AP2A2: variants seen among roughly 807,000 people sequenced by gnomAD.
AP2A2 encodes the protein adaptor related protein complex 2 subunit alpha 2, also known as AP-2 complex subunit alpha-2.
A neutral mutation model predicts 104.2 loss-of-function variants in AP2A2; 32 were observed. The observed-to-expected ratio is 0.31, with a 90% CI of 0.23 to 0.41. The LOEUF (loss-of-function observed/expected upper bound fraction) is 0.41, where lower values mean the gene tolerates loss of function less well. Ranked by LOEUF, AP2A2 falls within the 10% of genes least tolerant of loss-of-function variation. AP2A2 has a pLI of 1.00. For missense variants in AP2A2, 912 were observed against 1,261.0 expected, an observed-to-expected ratio of 0.72 and a Z score of 4.19; for synonymous variants, 539 against 533.3, an observed-to-expected ratio of 1.01 and a Z score of -0.15.
chr11:1,005,620 C>G (rs1249059132), intron 16 of AP2A2, among the ~76,000 whole-genome samples: 1 of 152,206 alleles, frequency 6.6e-6, no homozygotes, highest in Non-Finnish European at 1.5e-5. Context: ...CTGCCTTGAG[C>G]CTCCTCAGGA....
chr11:983,643 A>G (rs1243105834), intron 6 of AP2A2, among the ~76,000 whole-genome samples: 1 of 152,060 alleles, frequency 6.6e-6, no homozygotes, highest in Non-Finnish European at 1.5e-5. Flanking sequence ...TTGGCCTCTC[A>G]AAGTGCTGGG....
chr11:976,702 C>T (rs1469941237), intron 4 of AP2A2, among the ~76,000 whole-genome samples: 10 of 146,768 alleles, frequency 6.8e-5, no homozygotes, highest in African/African-American at 2.2e-4. Context: ...TGAGGGTGGG[C>T]GTGGGGCAGG....
chr11:930,847 G>T (rs1314635255), intron 1 of AP2A2, among the ~76,000 whole-genome samples: 2 of 152,140 alleles, frequency 1.3e-5, no homozygotes, highest in African/African-American at 4.8e-5. Flanking sequence ...TGGACATCTT[G>T]CATAACTACA....
At chr11:964,311 C>A (rs1280288794) in intron 2 of AP2A2, among the ~76,000 whole-genome samples, 4 of 152,246 alleles carry the variant, frequency 2.6e-5, no homozygotes, top group African/African-American at 9.6e-5. Flanking sequence ...CACGAACCAT[C>A]CTGCTTCAAG....
chr11:939,506 G>A (rs913277318), intron 1 of AP2A2, among the ~76,000 whole-genome samples: 1 of 151,764 alleles, frequency 6.6e-6, no homozygotes, highest in African/African-American at 2.4e-5. Flanking sequence ...GTACAGTGGT[G>A]GGATCTCGGC....
chr11:959,337 C>G (rs992296223), intron 1 of AP2A2, 100 bp from the exon 2 acceptor site: 8 of 811,722 alleles, frequency 9.9e-6, no homozygotes, highest in African/African-American at 1.7e-5. Flanking sequence ...GAAACGGGGC[C>G]TCATCCCATT....
chr11:988,533 T>C lies in AP2A2; in HGVS notation c.1132-19T>C. 6.2e-7 allele frequency: 1 copy of C among 1,607,858 alleles called. No homozygotes were observed. Among genetic ancestry groups the C allele is most frequent in the Non-Finnish European group, 8.5e-7 (1 of 1,179,314 alleles). ...GTGCCTTGCTCCTGCGACCTCTTAC[T>C]CTGTGCCTTGTTCCCCAGACTGAGC... is the stretch of plus-strand genomic sequence containing the variant. On this transcript the variant is annotated intron_variant, in intron 9 of 21. Coordinates refer to ENST00000448903, the MANE Select transcript of AP2A2 (RefSeq NM_012305.4).
At position 986,887 on chromosome 11, in the gene AP2A2, G is replaced by A; in HGVS notation, c.1065G>A (p.Leu355=). ...TGGCCCTGGAGAGCATGTGCACGCT[G>A]GCCAGCTCTGAGTTCTCCCATGAGG... The part of the protein sequence containing the change: ...RYLALESMCT[L]ASSEFSHEAV... Residue 355 remains leucine, a synonymous_variant, in exon 9 of 22, where the codon CTG becomes CTA. Transcript: ENST00000448903. The A allele has an allele frequency of 1.9e-6, 3 of 1,608,076 alleles. No individual in the cohort carries two copies. Among genetic ancestry groups the A allele is most frequent in the Non-Finnish European group, 2.5e-6 (3 of 1,177,686 alleles).
intron 14 of AP2A2, chr11:995,428 G>A (rs775695580): frequency 1.1e-4 from 52 of 455,554 alleles, no homozygotes; most frequent in African/African-American, 7.0e-4. Context: ...CTCCTGTCGG[G>A]GTCAGGCGGG....
chr11:954,451 T>C (rs1205752659), intron 1 of AP2A2, among the ~76,000 whole-genome samples: 1 of 152,108 alleles, frequency 6.6e-6, no homozygotes, highest in Non-Finnish European at 1.5e-5. Context: ...TGTATGTATA[T>C]GTGTATATAT....
rs542944302 is a variant in AP2A2 at position 977,162 on chromosome 11, G to C, written c.541G>C (p.Asp181His). Residue 181 changes from aspartate to histidine, a missense_variant, in exon 5 of 22, where the codon GAT becomes CAT. Coordinates refer to ENST00000448903, the MANE Select transcript of AP2A2 (RefSeq NM_012305.4). The stretch of plus-strand genomic sequence containing the variant: ...GCTGCGCCTGTACAGGACGTCCCCC[G>C]ATCTTGTCCCCATGGGCGACTGGAC... ...CLLRLYRTSP[D>H]LVPMGDWTSR... The C allele has an allele frequency of 1.9e-6, 3 of 1,613,248 alleles. No individual in the cohort carries two copies. Among genetic ancestry groups the C allele is most frequent in the African/African-American group, 1.3e-5 (1 of 75,044 alleles).
chr11:1,008,051 A>G lies in AP2A2; in HGVS notation c.2336A>G (p.Glu779Gly). ...LQTKPVDPTV[E>G]GGAQVQQVVN... ...ACCAAGCCCGTGGACCCGACCGTGGAGGGGGGCGCGCAGGTGCAGCAGGTG... is the reference window on the plus strand; with the variant it reads ...ACCAAGCCCGTGGACCCGACCGTGGGGGGGGGCGCGCAGGTGCAGCAGGTG... Residue 779 changes from glutamate to glycine, a missense_variant, in exon 18 of 22, where the codon GAG becomes GGG. Glu to Gly is a moderately conservative substitution (Grantham distance 98). Transcript: ENST00000448903. 1 of 1,577,822 alleles carries G rather than the reference A, an allele frequency of 6.3e-7. No homozygotes were observed.
chr11:955,970 C>T (rs1193164996), intron 1 of AP2A2, among the ~76,000 whole-genome samples: 2 of 152,130 alleles, frequency 1.3e-5, no homozygotes, highest in African/African-American at 4.8e-5. Flanking sequence ...AGGCCTTTTA[C>T]TTCAGCTGGA....
At chr11:930,168 G>C (rs868440194) in intron 1 of AP2A2, among the ~76,000 whole-genome samples, 14 of 150,120 alleles carry the variant, frequency 9.3e-5, no homozygotes, top group Admixed American at 4.0e-4. Context: ...ATCTGAGGTA[G>C]CGGACAGGGA....
At chr11:983,935 CGTGACCCAA>C (rs1163000325) in intron 6 of AP2A2, among the ~76,000 whole-genome samples, 1 of 152,102 alleles carries the variant, frequency 6.6e-6, no homozygotes, top group African/African-American at 2.4e-5. Flanking sequence ...AGCAGGAGTC[CGTGACCCAA>C]GTCTGGGCTG....
intron 10 of AP2A2, 175 bp downstream of exon 10, chr11:988,864 T>A: frequency 1.2e-6 from 1 of 847,496 alleles, no homozygotes; most frequent in Non-Finnish European, 1.8e-6. Context: ...CTGGGTGTGG[T>A]GGCACCTGTG....
chr11:935,697 T>C (rs1212188648), intron 1 of AP2A2, among the ~76,000 whole-genome samples: 1 of 139,608 alleles, frequency 7.2e-6, no homozygotes, highest in Non-Finnish European at 1.5e-5. Flanking sequence ...AACCTTCGCC[T>C]CCCGGGTTCA....
intron 18 of AP2A2, chr11:1,008,815 C>A (rs1170981067): frequency 4.3e-6 from 2 of 469,880 alleles, no homozygotes; most frequent in African/African-American, 1.9e-5. Context: ...GAAAAAACAT[C>A]ACACTATTTG....
intron 1 of AP2A2, among the ~76,000 whole-genome samples, chr11:928,278 C>T (rs571993399): frequency 6.6e-6 from 1 of 152,306 alleles, no homozygotes; most frequent in African/African-American, 2.4e-5. Flanking sequence ...ACTTTTATTA[C>T]AGTATATCAT....
Sources: gnomAD v4.1 joint callset for allele counts (sites outside exome capture counted in the v4.1 genomes callset) on GRCh38, gnomAD v4.1.1 for gene constraint, MANE v1.5 for transcripts, NCBI Gene and HGNC (gene_info 2026-07-23, HGNC 2026-07-21) for gene names.